PTPRS: variants seen among roughly 807,000 people sequenced by gnomAD.
PTPRS encodes the protein protein tyrosine phosphatase receptor type S.
In PTPRS, 63 loss-of-function variants were observed where a neutral mutation model predicts 215.3. The ratio of observed to expected loss-of-function variants is 0.29; its 90% confidence interval spans 0.24 to 0.36. The LOEUF (loss-of-function observed/expected upper bound fraction) is 0.36. Among genes scored for constraint, PTPRS ranks in the 10% least tolerant of loss-of-function variants. PTPRS has a pLI of 1.00. For synonymous variants in PTPRS, 1,404 were observed against 1,191.4 expected (o/e 1.18, Z -3.68); for missense variants, 2,258 against 2,825.8 (o/e 0.80, Z 4.56).
At chr19:5,247,706 T>G (rs573138042) in intron 9 of PTPRS, among the ~76,000 whole-genome samples, 1 of 151,884 alleles carries the variant, frequency 6.6e-6, no homozygotes, top group African/African-American at 2.4e-5. Flanking sequence ...GGGGGTCTGG[T>G]CTACGATGCT....
At chr19:5,317,927 G>A (rs996473687) in intron 1 of PTPRS, among the ~76,000 whole-genome samples, 5 of 152,130 alleles carry the variant, frequency 3.3e-5, no homozygotes, top group African/African-American at 9.7e-5. Context: ...ATCCCAGCAC[G>A]TTGGGATGCC....
Position 5,221,184 on chromosome 19 carries a change from G to C in PTPRS, c.3271C>G (p.Pro1091Ala). Residue 1091 changes from proline (P) to alanine (A), a missense_variant, in exon 20 of 38, where the codon CCC becomes GCC. Pro to Ala is a conservative substitution (Grantham distance 27, BLOSUM62 -1). This residue lies in a region of PTPRS where 927 missense variants were observed against 1,125.9 expected (regional missense o/e 0.82). Transcript: ENST00000262963. ...AGCACAAAGTTGTAGAAGGTGTGGG[G>C]CTTGAGGTGCGTGATGAGCTTCTTG... ...TTKKLITHLKPHTFYNFVLTN... is the reference protein window; with the variant it reads ...TTKKLITHLKAHTFYNFVLTN... 2 of 1,614,020 alleles carry C rather than the reference G, an allele frequency of 1.2e-6. No individual in the cohort carries two copies. Among genetic ancestry groups the C allele is most frequent in the Non-Finnish European group, 1.7e-6 (2 of 1,179,992 alleles).
chr19:5,325,091 G>A (rs1001964388), intron 1 of PTPRS, among the ~76,000 whole-genome samples: 2 of 152,314 alleles, frequency 1.3e-5, no homozygotes, highest in Admixed American at 6.5e-5. Flanking sequence ...AATCACTGGG[G>A]CCCAGGCCCC....
chr19:5,214,868 C>CT, intron 28 of PTPRS, 132 bp from the exon 29 acceptor site: 1 of 970,036 alleles, frequency 1.0e-6, no homozygotes, highest in Non-Finnish European at 1.5e-6. Flanking sequence ...GGGACGTGTA[C>CT]TTCACAGTTT....
At chr19:5,246,175 GAAAAAAAGAA>G (rs2044470029) in intron 9 of PTPRS, 130 bp from the exon 10 acceptor site, 6 of 439,300 alleles carry the variant, frequency 1.4e-5, no homozygotes. Flanking sequence ...AGGAAAGAAA[GAAAAAAAGAA>G]AAAAAAAGGA....
At chr19:5,241,999 C>G (rs1450932780) in intron 11 of PTPRS, among the ~76,000 whole-genome samples, 1 of 152,134 alleles carries the variant, frequency 6.6e-6, no homozygotes, top group Non-Finnish European at 1.5e-5. Context: ...TCATGCCCGG[C>G]TAATTTTGTA....
At chr19:5,333,503 T>TCACACACACA (rs35443727) in intron 1 of PTPRS, among the ~76,000 whole-genome samples, 6 of 147,726 alleles carry the variant, frequency 4.1e-5, no homozygotes, top group African/African-American at 1.5e-4. Context: ...GTGAGTCCTG[T>TCACACACACA]CACACACACA....
At chr19:5,278,959 G>A (rs1411506919) in intron 2 of PTPRS, among the ~76,000 whole-genome samples, 1 of 151,866 alleles carries the variant, frequency 6.6e-6, no homozygotes, top group African/African-American at 2.4e-5. Flanking sequence ...GAGAGGCTGG[G>A]GCAGGCTCAC....
chr19:5,247,253 T>C (rs1356950315), intron 9 of PTPRS, among the ~76,000 whole-genome samples: 2 of 151,600 alleles, frequency 1.3e-5, no homozygotes, highest in African/African-American at 4.8e-5. Flanking sequence ...AACTTGAACG[T>C]TGAGAGAACA....
In PTPRS at chr19:5,220,366, G is replaced by A. The variant is rs371062388; in HGVS notation, c.3456-13C>T. 92 of 1,607,378 alleles carry A rather than the reference G, an allele frequency of 5.7e-5. No homozygotes were observed. Among genetic ancestry groups the A allele is most frequent in the Non-Finnish European group, 7.6e-5 (89 of 1,175,010 alleles). On this transcript the variant is annotated splice_polypyrimidine_tract_variant and intron_variant, in intron 20 of 37. Transcript: ENST00000262963. Reference sequence around the variant, plus strand: ...AATGAAATAGCTCCTGTAGGGAGATGGGAAAGAGTCAGAGGGGCTGTCGAT... The same window carrying A: ...AATGAAATAGCTCCTGTAGGGAGATAGGAAAGAGTCAGAGGGGCTGTCGAT...
rs918685162 is a variant in PTPRS, at chr19:5,237,510, T to C, written c.1849+1409A>G. On this transcript the variant is annotated intron_variant, in intron 13 of 37. Coordinates refer to ENST00000262963, the MANE Select transcript of PTPRS (RefSeq NM_002850.4). The surrounding 1 kb of genome is among the most constrained non-coding windows in gnomAD (Gnocchi z 4.2). Reference sequence around the variant, plus strand: ...CTGCATGACATCTCGGGAAGGGATGTGTGCAAAGACGTGGATGTGCGTGCG... The same window carrying C: ...CTGCATGACATCTCGGGAAGGGATGCGTGCAAAGACGTGGATGTGCGTGCG... 3.3e-5 allele frequency among the ~76,000 whole-genome samples: 5 copies of C among 152,188 alleles called. No homozygotes were observed. The highest frequency in any genetic ancestry group is 4.8e-5 in the African/African-American group (2 of 41,448).
chr19:5,257,917 T>G lies in PTPRS; in HGVS notation c.706+100A>C. 6.3e-6 allele frequency: 6 copies of G among 958,592 alleles called. No homozygotes were observed. Among genetic ancestry groups the G allele is most frequent in the South Asian group, 1.6e-5 (1 of 63,388 alleles). 59.4% of individuals were successfully genotyped at this position (958,592 alleles called of 1,614,324 possible). On this transcript the variant is annotated intron_variant, in intron 8 of 37. Transcript: ENST00000262963. This position sits in a 1 kb window ranked among gnomAD's most constrained non-coding sequence, Gnocchi z 4.4. ...CCGGGGAGGGGCCTTCCTGCTTGGG[T>G]GTGCAGGGGACGGGGGAGCCCGGAG...
chr19:5,333,877 G>C (rs2050406883), intron 1 of PTPRS, among the ~76,000 whole-genome samples: 1 of 152,204 alleles, frequency 6.6e-6, no homozygotes, highest in African/African-American at 2.4e-5. Flanking sequence ...TCGAATGAAT[G>C]CATGCATGCT....
intron 1 of PTPRS, among the ~76,000 whole-genome samples, chr19:5,335,916 G>A (rs1460961905): frequency 6.6e-6 from 1 of 151,958 alleles, no homozygotes; most frequent in Non-Finnish European, 1.5e-5. Flanking sequence ...GAACAGAAGA[G>A]GGGATTCCAC....
rs984379864 is a variant in PTPRS at position 5,284,118 on chromosome 19, T to C, written c.91+1932A>G. Reference sequence around the variant, plus strand: ...GCTCATGCCTGTAATCCCAGCACTTTGGGAGGCCGAGGCAGGAGGATCATG... The same window carrying C: ...GCTCATGCCTGTAATCCCAGCACTTCGGGAGGCCGAGGCAGGAGGATCATG... On this transcript the variant is annotated intron_variant, in intron 2 of 37. Coordinates refer to ENST00000262963, the MANE Select transcript of PTPRS (RefSeq NM_002850.4). Among the ~76,000 whole-genome samples the C allele has an allele frequency of 3.3e-5, 5 of 151,944 alleles. No homozygotes were observed. The South Asian group carries it at 1.0e-3, about 32-fold the overall frequency.
rs1251026198 is a variant in PTPRS, at chr19:5,244,976, CTTTT to C, written c.989-498_989-495del. Reference sequence around the variant, plus strand: ...AGCCACCGCACCCGGCCTTTTTTTTCTTTTTTCTTTTTTTTTTTTTTTAGACGGA... The same window carrying C: ...AGCCACCGCACCCGGCCTTTTTTTTCTTCTTTTTTTTTTTTTTTAGACGGA... On this transcript the variant is annotated intron_variant, in intron 10 of 37. Coordinates refer to ENST00000262963, the MANE Select transcript of PTPRS (RefSeq NM_002850.4). This position sits in a 1 kb window ranked among gnomAD's most constrained non-coding sequence, Gnocchi z 7.2. Among the ~76,000 whole-genome samples the C allele has an allele frequency of 7.8e-6, 1 of 128,614 alleles. No homozygotes were observed. Among genetic ancestry groups the C allele is most frequent in the Non-Finnish European group, 1.6e-5 (1 of 61,230 alleles). 84.4% of individuals were successfully genotyped at this position (128,614 alleles called of 152,430 possible).
chr19:5,225,075 C>T (rs1245864248), intron 17 of PTPRS, among the ~76,000 whole-genome samples: 2 of 151,960 alleles, frequency 1.3e-5, no homozygotes, highest in African/African-American at 2.4e-5. Context: ...TACATCTTCA[C>T]GGCAGCCTCT....
chr19:5,327,172 G>A (rs958580462), intron 1 of PTPRS, among the ~76,000 whole-genome samples: 1 of 152,224 alleles, frequency 6.6e-6, no homozygotes, highest in African/African-American at 2.4e-5. Context: ...CCGCACTGCA[G>A]TGGGCACACT....
intron 9 of PTPRS, among the ~76,000 whole-genome samples, chr19:5,249,592 G>A (rs933086978): frequency 1.3e-5 from 2 of 152,120 alleles, no homozygotes; most frequent in African/African-American, 4.8e-5. Context: ...CGAGGATTAC[G>A]GCCAAGTATC....
Sources: gnomAD v4.1 joint callset for allele counts (sites outside exome capture counted in the v4.1 genomes callset) on GRCh38, gnomAD v4.1.1 for gene constraint, gnomAD v4.1.1 regional missense constraint, Gnocchi (gnomAD v3.1) non-coding constraint, MANE v1.5 for transcripts, NCBI Gene and HGNC (gene_info 2026-07-23, HGNC 2026-07-21) for gene names.